The following SH3KBP1 variants were observed in gnomAD, a reference collection of about 807,000 sequenced individuals.
The protein encoded by SH3KBP1 is SH3 domain containing kinase binding protein 1.
A neutral mutation model predicts 50.1 loss-of-function variants in SH3KBP1; 8 were observed. The observed-to-expected ratio is 0.16, with a 90% CI of 0.09 to 0.29. The LOEUF is 0.29. Ranked by LOEUF, SH3KBP1 falls within the 10% of genes least tolerant of loss-of-function variation. The probability of loss-of-function intolerance (pLI) is 1.00; values close to 1 mark genes in which losing one functional copy is unlikely to be tolerated. For missense variants in SH3KBP1, 377 were observed against 535.2 expected, an observed-to-expected ratio of 0.70 and a Z score of 2.92; for synonymous variants, 227 against 218.6, an observed-to-expected ratio of 1.04 and a Z score of -0.34.
chrX:19,582,331 A>ACCAGCAC (rs1037477077), intron 12 of SH3KBP1, among the ~76,000 whole-genome samples: 1 of 111,720 alleles, frequency 9.0e-6, no homozygotes, highest in Admixed American at 9.5e-5. Flanking sequence ...CCCAGAACAC[A>ACCAGCAC]CCAGCACCCA....
At chrX:19,581,223 G>A (rs2066362482) in intron 12 of SH3KBP1, among the ~76,000 whole-genome samples, 1 of 112,071 alleles carries the variant, frequency 8.9e-6, no homozygotes, top group Admixed American at 9.5e-5. Flanking sequence ...GATTACACAT[G>A]TGAGCCACTG....
intron 2 of SH3KBP1, among the ~76,000 whole-genome samples, chrX:19,834,895 C>T (rs761980815): frequency 1.8e-5 from 2 of 109,366 alleles, no homozygotes; most frequent in South Asian, 3.9e-4. Flanking sequence ...ATTAGTCGGG[C>T]GTGGTGGCAC....
At chrX:19,663,708 C>T (rs986148290) in intron 6 of SH3KBP1, among the ~76,000 whole-genome samples, 9 of 111,912 alleles carry the variant, frequency 8.0e-5, no homozygotes, top group African/African-American at 2.9e-4. Flanking sequence ...ACATACTCCC[C>T]CCATAGGACA....
intron 2 of SH3KBP1, among the ~76,000 whole-genome samples, chrX:19,779,922 T>G (rs1355966523): frequency 4.0e-4 from 44 of 108,658 alleles, no homozygotes; most frequent in Non-Finnish European, 8.4e-4. Flanking sequence ...GCATGATTTA[T>G]AGTCCTTTGG....
rs764634088 is a variant in SH3KBP1, at chrX:19,742,008, C to T, written c.286+4310G>A. Among the ~76,000 whole-genome samples the T allele has an allele frequency of 4.7e-4, 53 of 112,011 alleles. No individual in the cohort carries two copies. The South Asian group carries it at 8.2e-3, about 17-fold the overall frequency. ...AGATGGAACCTGGTCCTCACACGGG[C>T]CAGCAGGGTATTGATGACAGCCTGG... On this transcript the variant is annotated intron_variant, in intron 3 of 17. Transcript: ENST00000397821.
chrX:19,566,401 C>T (rs758387995), intron 13 of SH3KBP1, among the ~76,000 whole-genome samples: 8 of 104,927 alleles, frequency 7.6e-5, no homozygotes, highest in Non-Finnish European at 1.2e-4. Context: ...CATCTCCAGA[C>T]CCAAAGAATG....
chrX:19,580,065 G>C (rs368682980), intron 12 of SH3KBP1, among the ~76,000 whole-genome samples: 3 of 111,012 alleles, frequency 2.7e-5, no homozygotes, highest in African/African-American at 9.8e-5. Context: ...AACTGAGTGA[G>C]ACTCAAGGTG....
intron 1 of SH3KBP1, among the ~76,000 whole-genome samples, chrX:19,865,363 G>A (rs1274009819): frequency 1.8e-5 from 2 of 111,875 alleles, no homozygotes; most frequent in South Asian, 3.7e-4. Flanking sequence ...TCTTTGCAAC[G>A]TATTTTTCTT....
intron 8 of SH3KBP1, among the ~76,000 whole-genome samples, chrX:19,626,506 A>G (rs1289015478): frequency 8.9e-6 from 1 of 111,842 alleles, no homozygotes; most frequent in Non-Finnish European, 1.9e-5. Flanking sequence ...GTCCAAGGAA[A>G]GATGACTGTA....
chrX:19,747,319 T>G (rs2064944405), intron 2 of SH3KBP1, among the ~76,000 whole-genome samples: 1 of 112,130 alleles, frequency 8.9e-6, no homozygotes, highest in Middle Eastern at 4.6e-3. Context: ...ACTCACAAAG[T>G]ATAAGTCTGT....
intron 2 of SH3KBP1, among the ~76,000 whole-genome samples, chrX:19,751,920 G>GC (rs1210300292): frequency 8.9e-6 from 1 of 112,454 alleles, no homozygotes; most frequent in African/African-American, 3.2e-5. Context: ...CTGATAAGCT[G>GC]CGTTGCCTGG....
chrX:19,614,302 C>T (rs898962026), intron 8 of SH3KBP1, among the ~76,000 whole-genome samples: 8 of 112,982 alleles, frequency 7.1e-5, no homozygotes, highest in Admixed American at 9.3e-5. Flanking sequence ...TGACATACAA[C>T]CTGTGGGCAC....
intron 2 of SH3KBP1, among the ~76,000 whole-genome samples, chrX:19,786,354 G>A (rs1199787405): frequency 8.9e-6 from 1 of 111,755 alleles, no homozygotes; most frequent in African/African-American, 3.3e-5. Flanking sequence ...TGATAACGCT[G>A]AAGCTAGACG....
intron 8 of SH3KBP1, among the ~76,000 whole-genome samples, chrX:19,623,098 G>A (rs1014924361): frequency 1.7e-4 from 18 of 107,188 alleles, no homozygotes; most frequent in Non-Finnish European, 3.3e-4. Context: ...CATACATTAG[G>A]ATTCAGGATG....
In SH3KBP1 at chrX:19,569,118, G is replaced by A. The variant is rs1167726519; in HGVS notation, c.1369C>T (p.Arg457Cys). Residue 457 changes from arginine to cysteine, a missense_variant, in exon 13 of 18, where the codon CGC becomes TGC. Physicochemically the swap from Arg to Cys is radical, Grantham distance 180 (BLOSUM62 -3). This residue lies in a region of SH3KBP1 where 257 missense variants were observed against 374.2 expected (regional missense o/e 0.69). Transcript: ENST00000397821. ...CCTTACTCACCAATGTCATTGCTGC[G>A]GTCCGAGAGATCTTTGTCCAGGATG... ...SGILDKDLSD[R>C]SNDIDLEGFD... The A allele has an allele frequency of 8.3e-7, 1 of 1,208,433 alleles. No homozygotes were observed. The highest frequency in any genetic ancestry group is 3.0e-5 in the East Asian group (1 of 33,805).
At chrX:19,715,633 A>T (rs767755390) in intron 3 of SH3KBP1, among the ~76,000 whole-genome samples, 1 of 112,007 alleles carries the variant, frequency 8.9e-6, no homozygotes, top group South Asian at 3.7e-4. Context: ...AAAGAAGAGC[A>T]TCAGGCCAAA....
At chrX:19,771,515 A>G (rs140768976) in intron 2 of SH3KBP1, among the ~76,000 whole-genome samples, 182 of 111,728 alleles carry the variant, frequency 1.6e-3, no homozygotes, top group Non-Finnish European at 2.6e-3. Context: ...ACTTTAAAAA[A>G]CTTGAAAAAC....
At chrX:19,860,280 TAAAAA>T (rs35933756) in intron 1 of SH3KBP1, among the ~76,000 whole-genome samples, 40 of 41,355 alleles carry the variant, frequency 9.7e-4, no homozygotes, top group African/African-American at 3.8e-3. Context: ...ATCCCACCTC[TAAAAA>T]AAAAAAAAAA....
intron 13 of SH3KBP1, among the ~76,000 whole-genome samples, chrX:19,564,161 A>T (rs778933938): frequency 8.9e-6 from 1 of 111,985 alleles, no homozygotes. Flanking sequence ...AAGTCAGGAG[A>T]TCTGAATTTT....
Sources: allele counts gnomAD v4.1 joint callset (sites outside exome capture counted in the v4.1 genomes callset), GRCh38; gene constraint gnomAD v4.1.1; regional missense constraint gnomAD v4.1.1; transcripts MANE v1.5; gene names NCBI Gene and HGNC (gene_info 2026-07-23, HGNC 2026-07-21).